Variants in FCRL4 observed in about 807,000 individuals in gnomAD.
FCRL4 encodes Fc receptor like 4.
FCRL4 carries 43 observed loss-of-function variants against 64.1 expected under a neutral mutation model. The ratio of observed to expected loss-of-function variants is 0.67; its 90% CI spans 0.53 to 0.87. The LOEUF is 0.87. Ranked by LOEUF, FCRL4 falls within the 40% of genes least tolerant of loss-of-function variation. FCRL4 has a pLI of 0.00. For synonymous variants in FCRL4, 253 were observed against 239.8 expected (o/e 1.05, Z -0.51); for missense variants, 656 against 613.5 (o/e 1.07, Z -0.73).
At chr1:157,585,264 T>C (rs1290186079) in intron 6 of FCRL4, among the ~76,000 whole-genome samples, 1 of 151,126 alleles carries the variant, frequency 6.6e-6, no homozygotes, top group Non-Finnish European at 1.5e-5. Context: ...TTTCCTTTCT[T>C]TCCTTCCTTT....
At chr1:157,577,120 C>T (rs374708704) in intron 10 of FCRL4, among the ~76,000 whole-genome samples, 56 of 152,136 alleles carry the variant, frequency 3.7e-4, no homozygotes, top group Non-Finnish European at 6.9e-4. Flanking sequence ...TTGGTTGAAG[C>T]GATGTCTTTA....
At chr1:157,586,089 G>T in intron 6 of FCRL4, 79 bp downstream of exon 6, 2 of 1,381,502 alleles carry the variant, frequency 1.4e-6, no homozygotes, top group Non-Finnish European at 9.9e-7. Flanking sequence ...CAGAGTCACA[G>T]GGTAATGTTA....
In FCRL4 at chr1:157,575,308, A is replaced by G; in HGVS notation, c.*216T>C. The G allele has an allele frequency of 1.7e-6, 1 of 574,498 alleles. No homozygotes were observed. The highest frequency in any genetic ancestry group is 2.9e-5 in the East Asian group (1 of 34,284). 35.6% of individuals were successfully genotyped at this position (574,498 alleles called of 1,614,324 possible). ...CTACAGGGTCTTCTCTTAACTGTGGATCCTGGTCATTTTAGTGAAGTCTTT... is the reference window on the plus strand; with the variant it reads ...CTACAGGGTCTTCTCTTAACTGTGGGTCCTGGTCATTTTAGTGAAGTCTTT... On this transcript the variant is annotated 3_prime_UTR_variant, in exon 12 of 12. Transcript: ENST00000271532.
At chr1:157,579,073 C>T (rs527892677) in intron 8 of FCRL4, among the ~76,000 whole-genome samples, 1 of 152,152 alleles carries the variant, frequency 6.6e-6, no homozygotes, top group Non-Finnish European at 1.5e-5. Flanking sequence ...GGACAGGCTG[C>T]CTGGAAACAA....
At chr1:157,578,575 TGTTA>T (rs1472484856) in intron 9 of FCRL4, 33 bp from the exon 10 acceptor site, 3 of 1,584,736 alleles carry the variant, frequency 1.9e-6, no homozygotes, top group African/African-American at 2.7e-5. Flanking sequence ...AGGCTGTTCC[TGTTA>T]GTATTAAAGT....
intron 6 of FCRL4, among the ~76,000 whole-genome samples, chr1:157,584,113 T>A (rs909360919): frequency 6.6e-6 from 1 of 152,198 alleles, no homozygotes. Flanking sequence ...TTCACTGTTA[T>A]CTCCTCAGAG....
intron 3 of FCRL4, 21 bp from the exon 4 acceptor site, chr1:157,588,140 A>C: frequency 1.3e-6 from 2 of 1,579,474 alleles, no homozygotes; most frequent in Non-Finnish European, 1.7e-6. Flanking sequence ...CACAGAGAGG[A>C]GATCGTCATT....
intron 8 of FCRL4, among the ~76,000 whole-genome samples, chr1:157,579,473 T>C (rs185948232): frequency 1.1e-3 from 160 of 152,278 alleles, no homozygotes; most frequent in African/African-American, 3.7e-3. Flanking sequence ...TCCCAGCACT[T>C]TGGGAGGCCG....
intron 6 of FCRL4, 38 bp from the exon 7 acceptor site, chr1:157,581,682 G>C (rs1206204963): frequency 6.5e-7 from 1 of 1,530,054 alleles, no homozygotes; most frequent in South Asian, 1.1e-5. Context: ...CAGTGGAGAG[G>C]TTCAGGGTTT....
rs72996984 is a variant in FCRL4, at chr1:157,588,420, C to T, written c.308-301G>A. On this transcript the variant is annotated intron_variant, in intron 3 of 11. Transcript: ENST00000271532. ...TCTGACATGATAGAGTACAGCAGAA[C>T]TTAACACCAACCTGCTCACCGAGTC... 9.9e-3 allele frequency among the ~76,000 whole-genome samples: 1,512 copies of T among 152,254 alleles called. 20 individuals carry two copies. The highest frequency in any genetic ancestry group is 0.034 in the African/African-American group (1,429 of 41,550).
chr1:157,586,112 C>T (rs1652684707), intron 6 of FCRL4, 56 bp downstream of exon 6: 1 of 1,521,516 alleles, frequency 6.6e-7, no homozygotes, highest in African/African-American at 1.4e-5. Flanking sequence ...TATCCCCACC[C>T]TTAATTTGAG....
rs753968954 is a variant in FCRL4 at position 157,589,291 on chromosome 1, T to A, written c.220A>T (p.Thr74Ser). 3.1e-6 allele frequency: 5 copies of A among 1,614,004 alleles called. No individual in the cohort carries two copies. Among genetic ancestry groups the A allele is most frequent in the Middle Eastern group, 1.6e-4 (1 of 6,084 alleles). ...AGTCCAGATTCCCGAACCTCGAGGG[T>A]GTTTCCTGGGGTCAGGGTCAACTTT... is the stretch of plus-strand genomic sequence containing the variant. ...GEKLTLTPGN[T>S]LEVRESGLYR... Residue 74 changes from threonine (T) to serine (S), a missense_variant, in exon 3 of 12, where the codon ACC becomes TCC. Transcript: ENST00000271532.
intron 2 of FCRL4, 140 bp downstream of exon 2, chr1:157,596,188 C>A: frequency 1.1e-6 from 1 of 919,926 alleles, no homozygotes; most frequent in Non-Finnish European, 1.7e-6. Flanking sequence ...AGAGTCACCA[C>A]ACGAGCTGAT....
At chr1:157,595,957 G>T (rs913748284) in intron 2 of FCRL4, among the ~76,000 whole-genome samples, 5 of 152,198 alleles carry the variant, frequency 3.3e-5, no homozygotes, top group African/African-American at 1.2e-4. Flanking sequence ...AGCTGCTGGA[G>T]CCCCAGCCTC....
chr1:157,593,278 G>C (rs1652879163), intron 2 of FCRL4, among the ~76,000 whole-genome samples: 1 of 152,088 alleles, frequency 6.6e-6, no homozygotes, highest in Non-Finnish European at 1.5e-5. Context: ...ACAACCCAGG[G>C]AAGTCCTGGG....
chr1:157,594,422 A>AT (rs1261113803), intron 2 of FCRL4, among the ~76,000 whole-genome samples: 1 of 152,244 alleles, frequency 6.6e-6, no homozygotes, highest in Non-Finnish European at 1.5e-5. Context: ...GAACAAAGTC[A>AT]TGATGCCTGG....
intron 3 of FCRL4, 141 bp from the exon 4 acceptor site, chr1:157,588,260 A>G (rs1652752686): frequency 1.1e-6 from 1 of 908,538 alleles, no homozygotes; most frequent in African/African-American, 1.7e-5. Context: ...AACTCCTCCT[A>G]AATCAGTGTA....
chr1:157,587,300 G>T lies in FCRL4; in HGVS notation c.823C>A (p.Pro275Thr), dbSNP rs763126889. 4.5e-5 allele frequency: 72 copies of T among 1,614,074 alleles called. No individual in the cohort carries two copies. The highest frequency in any genetic ancestry group is 5.3e-5 in the Non-Finnish European group (62 of 1,180,032). The change falls in exon 5 of 12, where the codon CCC (proline) becomes ACC (threonine). Residue 275 changes from proline to threonine, a missense_variant. Physicochemically the swap from Pro to Thr is conservative, Grantham distance 38. Coordinates refer to ENST00000271532, the MANE Select transcript of FCRL4 (RefSeq NM_031282.3). ...TVRGNIHKHS[P>T]SLQIHVQRIP... The stretch of plus-strand genomic sequence containing the variant: ...CGCTGCACATGGATCTGTAGCGAGG[G>T]ACTGTGCTTGTGGATGTTACCCCTC...
intron 6 of FCRL4, among the ~76,000 whole-genome samples, chr1:157,583,143 C>T (rs1652599910): frequency 6.6e-6 from 1 of 152,168 alleles, no homozygotes; most frequent in African/African-American, 2.4e-5. Flanking sequence ...ATTTAATCTC[C>T]CTTTGCCTCA....
Sources: allele counts gnomAD v4.1 joint callset (sites outside exome capture counted in the v4.1 genomes callset), GRCh38; gene constraint gnomAD v4.1.1; transcripts MANE v1.5; gene names NCBI Gene and HGNC (gene_info 2026-07-23, HGNC 2026-07-21).